Variants in IMPA2 observed in about 807,000 individuals in gnomAD.
IMPA2 encodes the protein IMP 2.
Under a neutral mutation model 35.1 loss-of-function variants are expected in IMPA2, and 32 were observed. The observed-to-expected ratio is 0.91, with a 90% confidence interval of 0.69 to 1.23. IMPA2 has a LOEUF of 1.23. Ranked by LOEUF, IMPA2 falls within the 50% of genes most tolerant of loss-of-function variation. The pLI is 0.00. For synonymous variants in IMPA2, 135 were observed against 160.6 expected (o/e 0.84, Z 1.20); for missense variants, 334 against 387.6 (o/e 0.86, Z 1.16).
Position 12,010,286 on chromosome 18 carries a change from C to T in IMPA2, c.335+299C>T, listed in dbSNP as rs1293119567. The T allele has an allele frequency of 3.5e-6, 1 of 288,766 alleles. No individual in the cohort carries two copies. Among genetic ancestry groups the T allele is most frequent in the Non-Finnish European group, 6.5e-6 (1 of 153,428 alleles). 17.9% of individuals were successfully genotyped at this position (288,766 alleles called of 1,614,324 possible). On this transcript the variant is annotated intron_variant, in intron 3 of 7. Coordinates refer to ENST00000269159, the MANE Select transcript of IMPA2 (RefSeq NM_014214.3). The surrounding 1 kb of genome is among the most constrained non-coding windows in gnomAD (Gnocchi z 4.8). ...TTGAAGGAGTCTGACTCCCCTCACA[C>T]CCCACCCCCACTGGAGAAAAAGGTG... is the stretch of plus-strand genomic sequence containing the variant.
At chr18:12,014,722 T>A (rs1048253463) in intron 5 of IMPA2, among the ~76,000 whole-genome samples, 1 of 152,146 alleles carries the variant, frequency 6.6e-6, no homozygotes, top group Non-Finnish European at 1.5e-5. Flanking sequence ...CACACCTCGG[T>A]GGTCCCGATT....
chr18:11,993,352 G>T (rs547684598), intron 1 of IMPA2, among the ~76,000 whole-genome samples: 1 of 152,342 alleles, frequency 6.6e-6, no homozygotes, highest in South Asian at 2.1e-4. Flanking sequence ...TTCATGAAGA[G>T]CTACAGGACA....
chr18:12,002,235 CAA>C (rs2143793927), intron 2 of IMPA2, among the ~76,000 whole-genome samples: 1 of 152,190 alleles, frequency 6.6e-6, no homozygotes, highest in African/African-American at 2.4e-5. Flanking sequence ...ATCCCTTAAA[CAA>C]TATATTTAAT....
At chr18:12,018,426 A>G (rs1287363421) in intron 5 of IMPA2, 1 of 152,200 alleles carries the variant, frequency 6.6e-6, no homozygotes, top group Non-Finnish European at 1.5e-5. Context: ...TCATTCAGTC[A>G]TGGTTCCACA....
In IMPA2 at chr18:12,028,561, G is replaced by A. The variant is rs552325673; in HGVS notation, c.600-281G>A. On this transcript the variant is annotated intron_variant, in intron 6 of 7. Coordinates refer to ENST00000269159, the MANE Select transcript of IMPA2 (RefSeq NM_014214.3). ...TGAGACCACTGACACTTAATGTCAC[G>A]TTCAGTAGAGGAGGATTCAATTCTC... 2.1e-4 allele frequency: 103 copies of A among 484,586 alleles called. 2 individuals carry two copies. Among genetic ancestry groups the A allele is most frequent in the South Asian group, 2.0e-3 (66 of 32,452 alleles). The allele number at this position is 484,586 out of a possible 1,614,324, so 30.0% of individuals were successfully genotyped here. A position where few individuals can be genotyped will look rare whatever the true frequency, so the allele number is the denominator to read the frequency against.
At chr18:11,982,935 A>T (rs576692511) in intron 1 of IMPA2, among the ~76,000 whole-genome samples, 51 of 152,156 alleles carry the variant, frequency 3.4e-4, no homozygotes, top group Non-Finnish European at 6.0e-4. Flanking sequence ...GTTTCCCTAG[A>T]TGTTGAAATC....
chr18:12,013,845 A>G (rs1907500939), intron 4 of IMPA2, among the ~76,000 whole-genome samples: 1 of 152,188 alleles, frequency 6.6e-6, no homozygotes, highest in African/African-American at 2.4e-5. Flanking sequence ...CTGGCTTTAC[A>G]GATGCATTCT....
chr18:12,006,676 G>A (rs528418073), intron 2 of IMPA2, among the ~76,000 whole-genome samples: 1 of 152,294 alleles, frequency 6.6e-6, no homozygotes, highest in Non-Finnish European at 1.5e-5. Context: ...TGCACTTGTC[G>A]TATCCCAGGG....
intron 1 of IMPA2, among the ~76,000 whole-genome samples, chr18:11,992,261 C>T (rs377055102): frequency 5.3e-5 from 8 of 152,354 alleles, no homozygotes; most frequent in East Asian, 3.9e-4. Context: ...AAACATGGGG[C>T]GTGTCGTCAG....
rs141799283 is a variant in IMPA2 at position 11,991,159 on chromosome 18, A to C, written c.97-7895A>C. Among the ~76,000 whole-genome samples the C allele has an allele frequency of 7.2e-3, 1,098 of 152,244 alleles. 10 individuals carry two copies. Among genetic ancestry groups the C allele is most frequent in the South Asian group, 0.022 (107 of 4,826 alleles). On this transcript the variant is annotated intron_variant, in intron 1 of 7. Transcript: ENST00000269159. The surrounding 1 kb of genome is among the most constrained non-coding windows in gnomAD (Gnocchi z 4.1). The stretch of plus-strand genomic sequence containing the variant: ...GTGGGGAGATAGGAGGAAAGCCACG[A>C]GGGGAGGCAGGGGCCACAGGCCACG...
chr18:11,990,644 A>C (rs1906786617), intron 1 of IMPA2, among the ~76,000 whole-genome samples: 1 of 152,190 alleles, frequency 6.6e-6, no homozygotes, highest in Non-Finnish European at 1.5e-5. Flanking sequence ...CGTACATTGA[A>C]GGAGACATAG....
intron 5 of IMPA2, among the ~76,000 whole-genome samples, chr18:12,027,029 C>A (rs1250171): frequency 6.6e-6 from 1 of 151,974 alleles, no homozygotes; most frequent in African/African-American, 2.4e-5. Flanking sequence ...CCTGGGTGAG[C>A]GGAGAATTTG....
chr18:12,028,155 G>A lies in IMPA2; in HGVS notation c.599+4G>A, dbSNP rs771821658. ...TGCTGCATGCCAAGGCGCATGGGTA[G>A]GAGGTTCAGTTCGGGGAACACCCTG... On this transcript the variant is annotated splice_donor_region_variant and intron_variant, in intron 6 of 7. Coordinates refer to ENST00000269159, the MANE Select transcript of IMPA2 (RefSeq NM_014214.3). The A allele has an allele frequency of 4.4e-6, 7 of 1,594,254 alleles. No homozygotes were observed. The South Asian group carries it at 6.6e-5, about 15-fold the overall frequency.
At chr18:12,019,858 A>G (rs1907681124) in intron 5 of IMPA2, among the ~76,000 whole-genome samples, 1 of 151,998 alleles carries the variant, frequency 6.6e-6, no homozygotes, top group Non-Finnish European at 1.5e-5. Flanking sequence ...AGTGTTAGAT[A>G]CGATTTTTCA....
intron 1 of IMPA2, among the ~76,000 whole-genome samples, chr18:11,990,000 CG>C (rs1188597349): frequency 3.3e-5 from 5 of 152,152 alleles, no homozygotes; most frequent in African/African-American, 1.2e-4. Flanking sequence ...AGGGGAGTTC[CG>C]GAGTCTAGGC....
In IMPA2 at chr18:11,999,188, G is replaced by A; in HGVS notation, c.230+1G>A. ...TGCGAGAGAGGTTTCCTTCACACAG[G>A]TAGGTGTACTCCTCTGGGAAACACC... On this transcript the variant is annotated splice_donor_variant, in intron 2 of 7. Transcript: ENST00000269159. LOFTEE classifies it high-confidence loss of function. 1 of 1,613,010 alleles carries A rather than the reference G, an allele frequency of 6.2e-7. No individual in the cohort carries two copies. Among genetic ancestry groups the A allele is most frequent in the Non-Finnish European group, 8.5e-7 (1 of 1,179,424 alleles).
intron 5 of IMPA2, among the ~76,000 whole-genome samples, chr18:12,026,271 G>T (rs1389113143): frequency 6.6e-6 from 1 of 152,090 alleles, no homozygotes; most frequent in Non-Finnish European, 1.5e-5. Flanking sequence ...AGCCTCAGGT[G>T]ATCTGCCCGC....
At chr18:11,998,378 C>T (rs2143789275) in intron 1 of IMPA2, among the ~76,000 whole-genome samples, 1 of 152,326 alleles carries the variant, frequency 6.6e-6, no homozygotes, top group African/African-American at 2.4e-5. Context: ...GCTTGCACAG[C>T]TGCGGAGCCT....
Position 11,981,631 on chromosome 18 carries a change from C to T in IMPA2, c.-39C>T. ...GATCCGGTGGGAGCCGGAGTCCCGC[C>T]GAGGGGGGCTGGAGGTGGAGGGGCC... On this transcript the variant is annotated 5_prime_UTR_variant, in exon 1 of 8. Coordinates refer to ENST00000269159, the MANE Select transcript of IMPA2 (RefSeq NM_014214.3). The T allele has an allele frequency of 8.3e-7, 1 of 1,208,614 alleles. No individual in the cohort carries two copies. Among genetic ancestry groups the T allele is most frequent in the South Asian group, 4.1e-5 (1 of 24,146 alleles). The allele number at this position is 1,208,614 out of a possible 1,614,324, so 74.9% of individuals were successfully genotyped here.
Sources: allele counts gnomAD v4.1 joint callset (sites outside exome capture counted in the v4.1 genomes callset), GRCh38; gene constraint gnomAD v4.1.1; non-coding constraint Gnocchi (gnomAD v3.1); transcripts MANE v1.5; gene names NCBI Gene and HGNC (gene_info 2026-07-23, HGNC 2026-07-21).